Variants in WDR37 observed in about 807,000 individuals in gnomAD.
WDR37 encodes the protein WD repeat domain 37.
WDR37 carries 19 observed loss-of-function variants against 62.9 expected under a neutral mutation model. That is an observed-to-expected ratio of 0.30 (90% confidence interval 0.21 to 0.44). WDR37 has a LOEUF of 0.44. Among genes scored for constraint, WDR37 ranks in the 20% least tolerant of loss-of-function variants. The pLI is 1.00. For synonymous variants in WDR37, 250 were observed against 260.9 expected (o/e 0.96, Z 0.40); for missense variants, 474 against 657.6 (o/e 0.72, Z 3.05).
chr10:1,095,682 C>T (rs747725182), intron 8 of WDR37, among the ~76,000 whole-genome samples: 6 of 152,154 alleles, frequency 3.9e-5, no homozygotes, highest in Non-Finnish European at 5.9e-5. Flanking sequence ...AGCGTTTCCT[C>T]GCAAACTGGC....
chr10:1,113,634 G>C (rs997615665), intron 11 of WDR37, among the ~76,000 whole-genome samples: 1 of 152,188 alleles, frequency 6.6e-6, no homozygotes, highest in Non-Finnish European at 1.5e-5. Flanking sequence ...GACGTTGAGG[G>C]GTTCAAGGCT....
At chr10:1,066,464 A>T (rs1175714081) in intron 1 of WDR37, among the ~76,000 whole-genome samples, 5 of 152,222 alleles carry the variant, frequency 3.3e-5, no homozygotes, top group African/African-American at 1.2e-4. Flanking sequence ...GGAAAGTAAG[A>T]TCTAAATAAA....
At chr10:1,111,213 C>T (rs1183072850) in intron 11 of WDR37, among the ~76,000 whole-genome samples, 1 of 152,108 alleles carries the variant, frequency 6.6e-6, no homozygotes, top group South Asian at 2.1e-4. Context: ...AGGAACTAAG[C>T]GTAAATTCTT....
intron 1 of WDR37, among the ~76,000 whole-genome samples, chr10:1,069,389 A>ATATTT: frequency 1.0e-5 from 1 of 95,806 alleles, no homozygotes; most frequent in African/African-American, 4.7e-5. Flanking sequence ...ATATATATAT[A>ATATTT]TTTTTTTTTT....
intron 9 of WDR37, among the ~76,000 whole-genome samples, chr10:1,099,381 T>C (rs1834713932): frequency 6.6e-6 from 1 of 152,268 alleles, no homozygotes; most frequent in African/African-American, 2.4e-5. Flanking sequence ...GGGCTGTGAT[T>C]GTTGCAAGGA....
intron 5 of WDR37, among the ~76,000 whole-genome samples, chr10:1,081,041 C>T (rs977254085): frequency 2.6e-5 from 4 of 151,968 alleles, no homozygotes; most frequent in African/African-American, 7.3e-5. Context: ...TGTTAATTGG[C>T]TTAATATAAA....
chr10:1,113,321 CCTG>C (rs1835276562), intron 11 of WDR37, among the ~76,000 whole-genome samples: 2 of 152,092 alleles, frequency 1.3e-5, no homozygotes, highest in Non-Finnish European at 2.9e-5. Flanking sequence ...TCAAAATTGT[CCTG>C]CTTATTGACA....
chr10:1,127,211 C>T (rs958483279), intron 13 of WDR37, among the ~76,000 whole-genome samples: 18 of 152,154 alleles, frequency 1.2e-4, no homozygotes, highest in Non-Finnish European at 1.5e-4. Flanking sequence ...CTCAGAAAAA[C>T]GGAATTCTGA....
chr10:1,098,420 C>T (rs1430474512), intron 9 of WDR37, among the ~76,000 whole-genome samples: 8 of 151,552 alleles, frequency 5.3e-5, no homozygotes, highest in South Asian at 2.1e-4. Flanking sequence ...CTCCACCTCC[C>T]GGGTTCAAGG....
intron 1 of WDR37, among the ~76,000 whole-genome samples, chr10:1,065,264 TAAA>T (rs113692701): frequency 2.6e-5 from 4 of 152,202 alleles, no homozygotes; most frequent in African/African-American, 4.8e-5. Context: ...TGGGGAAAGG[TAAA>T]GAAGCATAGA....
In WDR37 at chr10:1,131,511, G is replaced by C. The variant is rs769505045; in HGVS notation, c.*2167G>C. On this transcript the variant is annotated 3_prime_UTR_variant, in exon 14 of 14. Coordinates refer to ENST00000263150, the MANE Select transcript of WDR37 (RefSeq NM_014023.4). ...CTCACCTTGTCTGGCAAACTGGAGG[G>C]ACCTCAGAAACTGGACTCCTGCATG... is the stretch of plus-strand genomic sequence containing the variant. 6.6e-6 allele frequency: 1 copy of C among 152,290 alleles called. No individual in the cohort carries two copies. Among genetic ancestry groups the C allele is most frequent in the Non-Finnish European group, 1.5e-5 (1 of 68,092 alleles). 9.4% of individuals were successfully genotyped at this position (152,290 alleles called of 1,614,324 possible). A position where few individuals can be genotyped will look rare whatever the true frequency, so the allele number is the denominator to read the frequency against.
intron 1 of WDR37, among the ~76,000 whole-genome samples, chr10:1,066,239 C>G (rs1245013854): frequency 6.6e-6 from 1 of 152,176 alleles, no homozygotes; most frequent in Non-Finnish European, 1.5e-5. Flanking sequence ...CCTCAGCCTC[C>G]TGAGTATCTG....
At chr10:1,061,799 C>T (rs918732587) in intron 1 of WDR37, among the ~76,000 whole-genome samples, 3 of 149,224 alleles carry the variant, frequency 2.0e-5, no homozygotes, top group Non-Finnish European at 3.0e-5. Context: ...AGGTTAACAC[C>T]ACTGCACTCC....
intron 7 of WDR37, among the ~76,000 whole-genome samples, chr10:1,088,940 C>T (rs1260565250): frequency 1.3e-5 from 2 of 152,186 alleles, no homozygotes; most frequent in African/African-American, 2.4e-5. Context: ...TTTCTGTTCT[C>T]TAGAGGGGAT....
intron 9 of WDR37, chr10:1,096,555 C>T (rs371127337): frequency 5.1e-6 from 2 of 391,096 alleles, no homozygotes; most frequent in East Asian, 4.7e-5. Context: ...TGAGCCCGCA[C>T]CAGAACCTGA....
intron 11 of WDR37, among the ~76,000 whole-genome samples, chr10:1,123,573 G>A (rs765523083): frequency 3.3e-5 from 5 of 152,198 alleles, no homozygotes; most frequent in Non-Finnish European, 7.3e-5. Flanking sequence ...ATTCCATTGT[G>A]TGTACACGCC....
Position 1,129,689 on chromosome 10 carries a change from G to A in WDR37, c.*345G>A, listed in dbSNP as rs1255635483. 6.0e-5 allele frequency: 11 copies of A among 181,912 alleles called. No homozygotes were observed. The highest frequency in any genetic ancestry group is 2.3e-4 in the South Asian group (2 of 8,624). 11.3% of individuals were successfully genotyped at this position (181,912 alleles called of 1,614,324 possible). A position where few individuals can be genotyped will look rare whatever the true frequency, so the allele number is the denominator to read the frequency against. On this transcript the variant is annotated 3_prime_UTR_variant, in exon 14 of 14. Transcript: ENST00000263150. ...AATTAAATGTGAACTTCTGTATTAC[G>A]TTGCGGCGTCGGCAGTCCTGCGTTC...
Position 1,105,476 on chromosome 10 carries a change from C to T in WDR37, c.1103+209C>T, listed in dbSNP as rs1170937934. Among the ~76,000 whole-genome samples, 13 of 152,144 alleles carry T rather than the reference C, an allele frequency of 8.5e-5. No individual in the cohort carries two copies. Among genetic ancestry groups the T allele is most frequent in the Admixed American group, 7.2e-4 (11 of 15,280 alleles). On this transcript the variant is annotated intron_variant, in intron 11 of 13. Transcript: ENST00000263150. This position sits in a 1 kb window ranked among gnomAD's most constrained non-coding sequence, Gnocchi z 5.3. ...GGATGTAGGAGATTAAGAGAAGGCA[C>T]CCTCCGAAGTTCTCTCAAGAAGTTT...
chr10:1,064,791 C>CATGTTAGCCAGGCT, intron 1 of WDR37, among the ~76,000 whole-genome samples: 1 of 151,800 alleles, frequency 6.6e-6, no homozygotes, highest in Non-Finnish European at 1.5e-5. Flanking sequence ...GGGGTTTCAC[C>CATGTTAGCCAGGCT]ATGTTAGCCA....
Sources: gnomAD v4.1 joint callset for allele counts (sites outside exome capture counted in the v4.1 genomes callset) on GRCh38, gnomAD v4.1.1 for gene constraint, Gnocchi (gnomAD v3.1) non-coding constraint, MANE v1.5 for transcripts, NCBI Gene and HGNC (gene_info 2026-07-23, HGNC 2026-07-21) for gene names.